GBP4: variants seen among roughly 807,000 people sequenced by gnomAD.
GBP4 encodes guanylate binding protein 4.
GBP4 carries 69 observed loss-of-function variants against 62.2 expected under a neutral mutation model. The observed-to-expected ratio is 1.11, with a 90% CI of 0.91 to 1.36. The LOEUF is 1.36. Ranked by LOEUF, GBP4 falls within the 40% of genes most tolerant of loss-of-function variation. The pLI is 0.00. For synonymous variants in GBP4, 278 were observed against 274.6 expected (o/e 1.01, Z -0.12); for missense variants, 697 against 759.3 (o/e 0.92, Z 0.96).
chr1:89,193,441 G>T, intron 3 of GBP4, 29 bp from the exon 4 acceptor site: 1 of 1,546,698 alleles, frequency 6.5e-7, no homozygotes, highest in Non-Finnish European at 8.9e-7. Context: ...AAAAGACTTA[G>T]GAGTATTCTC....
chr1:89,188,553 T>C (rs776770865), intron 8 of GBP4, 29 bp downstream of exon 8: 13 of 1,566,154 alleles, frequency 8.3e-6, no homozygotes, highest in Admixed American at 1.7e-5. Context: ...TATCCTCTGT[T>C]ATCCATCCCC....
chr1:89,195,887 T>C (rs1311576762), intron 2 of GBP4, among the ~76,000 whole-genome samples: 1 of 152,162 alleles, frequency 6.6e-6, no homozygotes, highest in Non-Finnish European at 1.5e-5. Context: ...CATAGTGAAA[T>C]AAATGGCATG....
intron 7 of GBP4, among the ~76,000 whole-genome samples, chr1:89,189,294 T>G (rs1471620028): frequency 6.6e-6 from 1 of 152,230 alleles, no homozygotes; most frequent in Non-Finnish European, 1.5e-5. Flanking sequence ...TTGTTTGTAT[T>G]TGTAAGTTAC....
intron 3 of GBP4, 91 bp downstream of exon 3, chr1:89,195,206 A>G: frequency 7.7e-7 from 1 of 1,291,252 alleles, no homozygotes; most frequent in South Asian, 1.5e-5. Flanking sequence ...ATTAGATTTG[A>G]GTTTACAGAG....
chr1:89,194,016 G>A (rs969660357), intron 3 of GBP4, among the ~76,000 whole-genome samples: 1 of 152,234 alleles, frequency 6.6e-6, no homozygotes, highest in Admixed American at 6.5e-5. Context: ...TCAGGAGCAA[G>A]AAGTGATTAT....
rs1252817426 is a variant in GBP4, at chr1:89,190,202, C to T, written c.1033G>A (p.Ala345Thr). The change falls in exon 7 of 11, where the codon GCA (alanine) becomes ACA (threonine). Residue 345 changes from alanine to threonine, a missense_variant. This residue lies in a region of GBP4 where 556 missense variants were observed against 562.7 expected (regional missense o/e 0.99). Coordinates refer to ENST00000355754, the MANE Select transcript of GBP4 (RefSeq NM_052941.5). ...QLENPAAVQR[A>T]ADHYSQQMAQ... The stretch of plus-strand genomic sequence containing the variant: ...ATCTGCTGGCTATAGTGGTCGGCTG[C>T]CCTCTGCACAGCCGCTGGGTTCTCA... 9 of 1,614,040 alleles carry T rather than the reference C, an allele frequency of 5.6e-6. No homozygotes were observed. In the African/African-American group the frequency reaches 1.1e-4, roughly 19 times the overall value.
Position 89,197,154 on chromosome 1 carries a change from G to A in GBP4, c.191C>T (p.Thr64Ile). 6.2e-7 allele frequency: 1 copy of A among 1,613,966 alleles called. No individual in the cohort carries two copies. The highest frequency in any genetic ancestry group is 8.5e-7 in the Non-Finnish European group (1 of 1,179,904). Residue 64 changes from threonine (T) to isoleucine (I), a missense_variant, in exon 2 of 11, where the codon ACA (threonine) becomes ATA (isoleucine). Thr to Ile is a moderately conservative substitution (Grantham distance 89). Transcript: ENST00000355754. Reference protein sequence around the residue: ...VVVAIVGLYRTGKSYLMNRLA... With the variant: ...VVVAIVGLYRIGKSYLMNRLA... ...ACGATTCATGAGATAGGATTTTCCT[G>A]TGCGGTATAGCCCTACAATGGCCAC...
At chr1:89,195,193 A>G in intron 3 of GBP4, 104 bp downstream of exon 3, 3 of 1,180,586 alleles carry the variant, frequency 2.5e-6, no homozygotes, top group Non-Finnish European at 3.6e-6. Context: ...CTCATTATTC[A>G]TAATTAGATT....
chr1:89,198,748 T>C (rs768929386), intron 1 of GBP4, 47 bp downstream of exon 1: 1 of 1,540,560 alleles, frequency 6.5e-7, no homozygotes, highest in Non-Finnish European at 9.0e-7. Flanking sequence ...TTGTTGTTTG[T>C]TATAACCCAA....
chr1:89,195,437 G>A lies in GBP4; in HGVS notation c.236-13C>T, dbSNP rs1448914072. ...CCCAGAGGGAAGCCTGCAGGGAAGA[G>A]GAAAAATAACAAACAGTAACAGTGG... On this transcript the variant is annotated splice_polypyrimidine_tract_variant and intron_variant, in intron 2 of 10. Coordinates refer to ENST00000355754, the MANE Select transcript of GBP4 (RefSeq NM_052941.5). The A allele has an allele frequency of 6.2e-7, 1 of 1,613,156 alleles. No homozygotes were observed. Among genetic ancestry groups the A allele is most frequent in the Admixed American group, 1.7e-5 (1 of 59,974 alleles).
In GBP4 at chr1:89,193,501, A is replaced by G. The variant is rs1403350598; in HGVS notation, c.364-89T>C. 13 of 1,160,946 alleles carry G rather than the reference A, an allele frequency of 1.1e-5. No individual in the cohort carries two copies. The East Asian group carries it at 2.9e-4, about 25-fold the overall frequency. The allele number at this position is 1,160,946 out of a possible 1,614,324, so 71.9% of individuals were successfully genotyped here. ...GTTGTTCATTAGCTATTTCAGCTGT[A>G]TGATAGTTGAATAATAGGGTAAATA... On this transcript the variant is annotated intron_variant, in intron 3 of 10. Transcript: ENST00000355754.
intron 10 of GBP4, among the ~76,000 whole-genome samples, 176 bp from the exon 11 acceptor site, chr1:89,185,645 T>C (rs990459403): frequency 3.9e-5 from 6 of 152,234 alleles, no homozygotes; most frequent in African/African-American, 1.4e-4. Flanking sequence ...CATGGGAGTA[T>C]ACATGGTTTA....
intron 3 of GBP4, among the ~76,000 whole-genome samples, chr1:89,194,304 C>A (rs1276942144): frequency 6.6e-6 from 1 of 152,224 alleles, no homozygotes; most frequent in East Asian, 1.9e-4. Context: ...GTCCCCAAAT[C>A]ACATTACAAG....
chr1:89,197,132 A>AT lies in GBP4; in HGVS notation c.212dup (p.Asn71LysfsTer19), dbSNP rs1389841700. On this transcript the variant is annotated frameshift_variant, in exon 2 of 11. Coordinates refer to ENST00000355754, the MANE Select transcript of GBP4 (RefSeq NM_052941.5). LOFTEE classifies it high-confidence loss of function. Reference sequence around the variant, plus strand: ...CACCATTGCGCTTTCCTGCAAGACGATTCATGAGATAGGATTTTCCTGTGC... The same window carrying AT: ...CACCATTGCGCTTTCCTGCAAGACGATTTCATGAGATAGGATTTTCCTGTGC... 2 of 1,613,398 alleles carry AT rather than the reference A, an allele frequency of 1.2e-6. No individual in the cohort carries two copies. Among genetic ancestry groups the AT allele is most frequent in the African/African-American group, 2.7e-5 (2 of 74,916 alleles).
At chr1:89,196,494 G>A (rs147178771) in intron 2 of GBP4, among the ~76,000 whole-genome samples, 17 of 152,218 alleles carry the variant, frequency 1.1e-4, no homozygotes, top group African/African-American at 3.9e-4. Flanking sequence ...ATTTTTGGAT[G>A]TTTAGGTTTG....
chr1:89,198,683 C>T, intron 1 of GBP4, 112 bp downstream of exon 1: 1 of 923,984 alleles, frequency 1.1e-6, no homozygotes, highest in South Asian at 1.3e-5. Flanking sequence ...CCTTTGTCAC[C>T]CGCCAGTGTG....
chr1:89,194,484 C>A (rs932224092), intron 3 of GBP4, among the ~76,000 whole-genome samples: 2 of 152,264 alleles, frequency 1.3e-5, no homozygotes, highest in Admixed American at 6.5e-5. Context: ...ACCTTTAATA[C>A]TGAAATTTAA....
Position 89,186,981 on chromosome 1 carries a change from C to A in GBP4, c.1513+19G>T. ...AGGAAACTCCCAATCCCTCTGATAG[C>A]TGAGCCCTGCCCCTGTACCTGCTAT... On this transcript the variant is annotated intron_variant, in intron 9 of 10. Coordinates refer to ENST00000355754, the MANE Select transcript of GBP4 (RefSeq NM_052941.5). 1.2e-6 allele frequency: 2 copies of A among 1,610,348 alleles called. No homozygotes were observed. The highest frequency in any genetic ancestry group is 1.7e-6 in the Non-Finnish European group (2 of 1,177,034).
chr1:89,189,740 G>A (rs1038249163), intron 7 of GBP4, among the ~76,000 whole-genome samples: 1 of 152,186 alleles, frequency 6.6e-6, no homozygotes, highest in African/African-American at 2.4e-5. Flanking sequence ...TTCAGCCTGT[G>A]GCACACTGAG....
Sources: allele counts gnomAD v4.1 joint callset (sites outside exome capture counted in the v4.1 genomes callset), GRCh38; gene constraint gnomAD v4.1.1; regional missense constraint gnomAD v4.1.1; transcripts MANE v1.5; gene names NCBI Gene and HGNC (gene_info 2026-07-23, HGNC 2026-07-21).